The following LMX1A variants were observed in gnomAD, a reference collection of about 807,000 sequenced individuals.
LMX1A encodes LIM homeobox transcription factor 1 alpha, also known as LIM homeobox transcription factor 1-alpha.
A neutral mutation model predicts 49.1 loss-of-function variants in LMX1A; 15 were observed. That is an observed-to-expected ratio of 0.31 (90% confidence interval 0.20 to 0.47). The LOEUF is 0.47. Ranked by LOEUF, LMX1A falls within the 20% of genes least tolerant of loss-of-function variation. The pLI, the probability that LMX1A is intolerant of heterozygous loss-of-function variation, is 1.00. For synonymous variants in LMX1A, 167 were observed against 185.7 expected (o/e 0.90, Z 0.82); for missense variants, 372 against 475.8 (o/e 0.78, Z 2.03).
chr1:165,211,246 G>A (rs1651375625), intron 5 of LMX1A: 1 of 152,190 alleles, frequency 6.6e-6, no homozygotes, highest in South Asian at 2.1e-4. Flanking sequence ...GTAACTTTGG[G>A]TGTTTCATGA....
chr1:165,307,060 G>A (rs16842344), intron 3 of LMX1A, among the ~76,000 whole-genome samples: 4,706 of 152,320 alleles, frequency 0.031, 232 homozygotes, highest in African/African-American at 0.1. Context: ...TCATGCAAGG[G>A]AATCAGGCAG....
intron 3 of LMX1A, among the ~76,000 whole-genome samples, chr1:165,279,456 T>G (rs1002056952): frequency 7.2e-6 from 1 of 138,058 alleles, no homozygotes; most frequent in African/African-American, 2.7e-5. Flanking sequence ...ACAAGGGAAC[T>G]TGAGAGAAGA....
intron 4 of LMX1A, among the ~76,000 whole-genome samples, chr1:165,223,700 T>C (rs796668436): frequency 2.6e-5 from 4 of 152,288 alleles, no homozygotes; most frequent in African/African-American, 9.6e-5. Flanking sequence ...TCTCAAATAC[T>C]TTAGTTACTC....
intron 3 of LMX1A, among the ~76,000 whole-genome samples, chr1:165,351,062 C>G (rs1396168339): frequency 6.6e-6 from 1 of 152,222 alleles, no homozygotes; most frequent in Non-Finnish European, 1.5e-5. Flanking sequence ...GTGTTAAGTA[C>G]TTTACAACAA....
intron 4 of LMX1A, among the ~76,000 whole-genome samples, chr1:165,229,791 C>CT (rs1315658305): frequency 1.3e-5 from 2 of 151,974 alleles, no homozygotes; most frequent in Non-Finnish European, 1.5e-5. Flanking sequence ...CATGAGGGCT[C>CT]TTTTTTCTGG....
chr1:165,206,988 C>T (rs777908671), intron 7 of LMX1A, among the ~76,000 whole-genome samples: 21 of 151,986 alleles, frequency 1.4e-4, no homozygotes, highest in Non-Finnish European at 3.1e-4. Context: ...GGATAAGAGG[C>T]TCTGTTGAGG....
chr1:165,225,761 ATGC>A (rs201763619), intron 4 of LMX1A, among the ~76,000 whole-genome samples: 2 of 152,082 alleles, frequency 1.3e-5, no homozygotes, highest in African/African-American at 2.4e-5. Context: ...TTCCCAGGTG[ATGC>A]TGCTGCTGCT....
intron 3 of LMX1A, among the ~76,000 whole-genome samples, chr1:165,281,445 G>A (rs1261702385): frequency 6.6e-6 from 1 of 152,196 alleles, no homozygotes; most frequent in Non-Finnish European, 1.5e-5. Flanking sequence ...TTTAAGTGGT[G>A]ATCGCTGCAA....
chr1:165,273,090 G>A (rs1653856402), intron 3 of LMX1A, among the ~76,000 whole-genome samples: 1 of 152,196 alleles, frequency 6.6e-6, no homozygotes, highest in African/African-American at 2.4e-5. Flanking sequence ...TGCTCTCCTG[G>A]CTCAGGCAAG....
At chr1:165,279,728 T>C (rs187926484) in intron 3 of LMX1A, among the ~76,000 whole-genome samples, 5 of 152,354 alleles carry the variant, frequency 3.3e-5, no homozygotes, top group African/African-American at 1.2e-4. Context: ...TAATTTGTAT[T>C]ATTAGTTCCA....
intron 3 of LMX1A, among the ~76,000 whole-genome samples, chr1:165,251,075 T>C (rs977789713): frequency 6.4e-5 from 9 of 141,600 alleles, no homozygotes; most frequent in Non-Finnish European, 9.1e-5. Flanking sequence ...ATTGGGAGTA[T>C]TGAATGGCTT....
intron 3 of LMX1A, among the ~76,000 whole-genome samples, chr1:165,331,076 G>A (rs1329118964): frequency 6.6e-6 from 1 of 152,156 alleles, no homozygotes; most frequent in Non-Finnish European, 1.5e-5. Flanking sequence ...TCAGGTTATT[G>A]ATAATGTGTC....
At chr1:165,228,150 C>G (rs1235297297) in intron 4 of LMX1A, among the ~76,000 whole-genome samples, 2 of 152,146 alleles carry the variant, frequency 1.3e-5, no homozygotes, top group African/African-American at 4.8e-5. Context: ...AAGTGATAAG[C>G]ATAGATTGAA....
intron 3 of LMX1A, among the ~76,000 whole-genome samples, chr1:165,335,529 T>C (rs1244500659): frequency 2.6e-5 from 4 of 152,122 alleles, no homozygotes; most frequent in Admixed American, 2.6e-4. Flanking sequence ...GAGGCCCACT[T>C]CTTTCGCATT....
intron 3 of LMX1A, among the ~76,000 whole-genome samples, chr1:165,265,020 G>A (rs746533803): frequency 3.3e-5 from 5 of 151,922 alleles, no homozygotes; most frequent in African/African-American, 7.3e-5. Context: ...TGGCTAATAC[G>A]GTGAAACCCT....
chr1:165,247,885 T>C (rs1361537243), intron 4 of LMX1A, among the ~76,000 whole-genome samples: 1 of 152,200 alleles, frequency 6.6e-6, no homozygotes, highest in Non-Finnish European at 1.5e-5. Flanking sequence ...CACTTGTCTG[T>C]CTCCAAAGCT....
intron 4 of LMX1A, 131 bp from the exon 5 acceptor site, chr1:165,213,944 G>T: frequency 1.3e-6 from 1 of 760,482 alleles, no homozygotes; most frequent in Non-Finnish European, 2.1e-6. Context: ...AATCTATGTG[G>T]TATTGCTTTG....
chr1:165,284,721 G>A (rs1654254828), intron 3 of LMX1A, among the ~76,000 whole-genome samples: 1 of 152,208 alleles, frequency 6.6e-6, no homozygotes, highest in Non-Finnish European at 1.5e-5. Context: ...GCGCAAGCAG[G>A]TTTGCCAACA....
chr1:165,302,625 A>C (rs545780190), intron 3 of LMX1A, among the ~76,000 whole-genome samples: 1 of 152,122 alleles, frequency 6.6e-6, no homozygotes, highest in African/African-American at 2.4e-5. Context: ...ATCCATCAAA[A>C]CCATCTGTGC....
Sources: gnomAD v4.1 joint callset for allele counts (sites outside exome capture counted in the v4.1 genomes callset) on GRCh38, gnomAD v4.1.1 for gene constraint, MANE v1.5 for transcripts, NCBI Gene and HGNC (gene_info 2026-07-23, HGNC 2026-07-21) for gene names.